SOS2: variants seen among roughly 807,000 people sequenced by gnomAD.
The protein encoded by SOS2 is SOS Ras/Rho guanine nucleotide exchange factor 2.
SOS2 carries 65 observed loss-of-function variants against 148.2 expected under a neutral mutation model. That is an observed-to-expected ratio of 0.44 (90% CI 0.36 to 0.54). The LOEUF (loss-of-function observed/expected upper bound fraction) is 0.54. Among genes scored for constraint, SOS2 ranks in the 20% least tolerant of loss-of-function variants. The probability of loss-of-function intolerance (pLI) is 0.00; values close to 1 mark genes in which losing one functional copy is unlikely to be tolerated. For missense variants in SOS2, 1,341 were observed against 1,590.2 expected (o/e 0.84, Z 2.67); for synonymous variants, 539 against 537.1 (o/e 1.00, Z -0.05).
At chr14:50,187,315 G>A (rs1328336495) in intron 5 of SOS2, among the ~76,000 whole-genome samples, 7 of 148,656 alleles carry the variant, frequency 4.7e-5, no homozygotes, top group African/African-American at 1.5e-4. Context: ...ACCTGGCCAA[G>A]ACTAATTATT....
intron 21 of SOS2, among the ~76,000 whole-genome samples, chr14:50,122,754 C>T (rs1882259720): frequency 6.6e-6 from 1 of 152,228 alleles, no homozygotes; most frequent in South Asian, 2.1e-4. Flanking sequence ...CATTTCCCTA[C>T]AAGACTACAG....
intron 1 of SOS2, among the ~76,000 whole-genome samples, chr14:50,209,584 C>A (rs964114899): frequency 6.6e-6 from 1 of 151,952 alleles, no homozygotes; most frequent in Non-Finnish European, 1.5e-5. Flanking sequence ...CTGGGCAACA[C>A]GGTGAAACAC....
intron 17 of SOS2, among the ~76,000 whole-genome samples, chr14:50,139,390 A>G (rs2144578): frequency 0.19 from 29,264 of 152,078 alleles, 2,986 homozygotes; most frequent in East Asian, 0.44. Context: ...ATGTCTAGAG[A>G]CATTTTTGGT....
intron 1 of SOS2, among the ~76,000 whole-genome samples, chr14:50,212,819 G>A (rs1432844772): frequency 6.6e-6 from 1 of 152,160 alleles, no homozygotes; most frequent in African/African-American, 2.4e-5. Context: ...GGAGGACAGG[G>A]AAGTGAGGAG....
At chr14:50,224,432 G>C (rs1009631972) in intron 1 of SOS2, among the ~76,000 whole-genome samples, 7 of 150,888 alleles carry the variant, frequency 4.6e-5, no homozygotes, top group Admixed American at 4.0e-4. Context: ...GGAATCAAGG[G>C]AAGGGAAACT....
chr14:50,142,802 T>C (rs774295382), intron 16 of SOS2, among the ~76,000 whole-genome samples: 1 of 152,250 alleles, frequency 6.6e-6, no homozygotes, highest in Non-Finnish European at 1.5e-5. Context: ...CTTTATACTC[T>C]GGTGTGTTTA....
At chr14:50,189,070 C>CAG in intron 4 of SOS2, among the ~76,000 whole-genome samples, 1 of 147,270 alleles carries the variant, frequency 6.8e-6, no homozygotes, top group East Asian at 2.0e-4. Flanking sequence ...ATCACACACA[C>CAG]ACACACACAC....
intron 1 of SOS2, among the ~76,000 whole-genome samples, chr14:50,220,883 G>C (rs1220532197): frequency 6.6e-6 from 1 of 152,138 alleles, no homozygotes; most frequent in East Asian, 1.9e-4. Flanking sequence ...TTCCCATAAA[G>C]GCAGGTCATT....
intron 1 of SOS2, among the ~76,000 whole-genome samples, chr14:50,224,334 C>T (rs1380715606): frequency 2.8e-5 from 4 of 144,316 alleles, no homozygotes; most frequent in Admixed American, 7.0e-5. Context: ...CACACACACA[C>T]ACACACACAC....
chr14:50,180,698 G>C lies in SOS2; in HGVS notation c.859-16C>G. On this transcript the variant is annotated splice_polypyrimidine_tract_variant and intron_variant, in intron 6 of 22. Transcript: ENST00000216373. ...ATGCTTGCTCCTATTTTTTTAAAAAGAGAAAAAGCATTAGGTTTAAAAGAA... is the reference window on the plus strand; with the variant it reads ...ATGCTTGCTCCTATTTTTTTAAAAACAGAAAAAGCATTAGGTTTAAAAGAA... 7.3e-7 allele frequency: 1 copy of C among 1,375,352 alleles called. No individual in the cohort carries two copies. Among genetic ancestry groups the C allele is most frequent in the South Asian group, 1.2e-5 (1 of 81,662 alleles). The allele number at this position is 1,375,352 out of a possible 1,614,324, so 85.2% of individuals were successfully genotyped here.
chr14:50,129,834 A>G (rs1883809004), intron 21 of SOS2, 127 bp downstream of exon 21: 3 of 600,710 alleles, frequency 5.0e-6, no homozygotes, highest in Non-Finnish European at 8.9e-6. Flanking sequence ...TTGTAAGCAA[A>G]TAATTAAATT....
At position 50,145,214 on chromosome 14, in the gene SOS2, C is replaced by T; in HGVS notation, c.2623G>A (p.Ala875Thr). Residue 875 changes from alanine to threonine, a missense_variant, in exon 16 of 23, where the codon GCA becomes ACA. Ala to Thr is a moderately conservative substitution (Grantham distance 58). This residue lies in a region of SOS2 where 408 missense variants were observed against 506.6 expected (regional missense o/e 0.81). Coordinates refer to ENST00000216373, the MANE Select transcript of SOS2 (RefSeq NM_006939.4). ...CTGTATACTGACACTGAATTTACTG[C>T]ACTGACTATCTCCAATACGCCATTG... Reference protein sequence around the residue: ...NFNGVLEIVSAVNSVSVYRLD... With the variant: ...NFNGVLEIVSTVNSVSVYRLD... The T allele has an allele frequency of 6.2e-7, 1 of 1,610,868 alleles. No homozygotes were observed. Among genetic ancestry groups the T allele is most frequent in the African/African-American group, 1.3e-5 (1 of 74,928 alleles).
chr14:50,206,235 T>C (rs1194208273), intron 1 of SOS2, among the ~76,000 whole-genome samples: 1 of 152,350 alleles, frequency 6.6e-6, no homozygotes, highest in African/African-American at 2.4e-5. Flanking sequence ...TTTTCTAATA[T>C]GTATGTTTTC....
chr14:50,157,219 A>C (rs2049289126), intron 11 of SOS2, 98 bp from the exon 12 acceptor site: 1 of 1,379,060 alleles, frequency 7.3e-7, no homozygotes, highest in African/African-American at 1.4e-5. Context: ...CTTCCACGAA[A>C]AGTGGATTAC....
chr14:50,130,024 AT>A (rs757826833), intron 20 of SOS2, 22 bp from the exon 21 acceptor site: 1 of 1,536,246 alleles, frequency 6.5e-7, no homozygotes, highest in South Asian at 1.1e-5. Flanking sequence ...AGAAAAATTA[AT>A]TTGAAAAGGA....
At chr14:50,171,859 AATTT>A (rs1190015179) in intron 8 of SOS2, among the ~76,000 whole-genome samples, 13 of 152,136 alleles carry the variant, frequency 8.5e-5, no homozygotes, top group African/African-American at 3.1e-4. Flanking sequence ...AATGAACCAC[AATTT>A]ATTTACCCTT....
chr14:50,151,106 G>T (rs1884648596), intron 13 of SOS2, among the ~76,000 whole-genome samples: 1 of 152,206 alleles, frequency 6.6e-6, no homozygotes, highest in African/African-American at 2.4e-5. Context: ...TGATCTGCCT[G>T]CCTTGGCCTC....
At position 50,180,617 on chromosome 14, in the gene SOS2, A is replaced by G; in HGVS notation, c.924T>C (p.His308=). ...CAGGTCTGGCCATCAATTTATTGAA[A>G]TGTTCATGAAACTCTGGTGAAAGAA... ...QDILSPEFHE[H]FNKLMARPAV... is the part of the protein sequence containing the mutation. Residue 308 remains histidine, a synonymous_variant, in exon 7 of 23, where the codon CAT becomes CAC. Transcript: ENST00000216373. 6.2e-7 allele frequency: 1 copy of G among 1,603,358 alleles called. No individual in the cohort carries two copies. The highest frequency in any genetic ancestry group is 1.1e-5 in the South Asian group (1 of 89,176).
intron 7 of SOS2, among the ~76,000 whole-genome samples, chr14:50,175,865 T>C (rs76639553): frequency 0.017 from 2,521 of 152,314 alleles, 71 homozygotes; most frequent in African/African-American, 0.058. Context: ...AATTTTCACA[T>C]TTTGTTAAAT....
Sources: gnomAD v4.1 joint callset for allele counts (sites outside exome capture counted in the v4.1 genomes callset) on GRCh38, gnomAD v4.1.1 for gene constraint, gnomAD v4.1.1 regional missense constraint, MANE v1.5 for transcripts, NCBI Gene and HGNC (gene_info 2026-07-23, HGNC 2026-07-21) for gene names.